KIAA0586: variants seen among roughly 807,000 people sequenced by gnomAD.
KIAA0586 encodes protein TALPID3.
Under a neutral mutation model 169.8 loss-of-function variants are expected in KIAA0586, and 144 were observed. The observed-to-expected ratio is 0.85, with a 90% CI of 0.74 to 0.97. The LOEUF is 0.97. Among genes scored for constraint, KIAA0586 ranks in the 50% least tolerant of loss-of-function variants. KIAA0586 has a pLI of 0.00. For synonymous variants in KIAA0586, 625 were observed against 612.4 expected (o/e 1.02, Z -0.30); for missense variants, 1,854 against 1,823.0 (o/e 1.02, Z -0.31).
rs71107947 is a variant in KIAA0586 at position 58,437,704 on chromosome 14, CAAAAAAAAAAAAA to C, written c.411-4989_411-4977del. Among the ~76,000 whole-genome samples, 12 of 61,620 alleles carry C rather than the reference CAAAAAAAAAAAAA, an allele frequency of 1.9e-4. No homozygotes were observed. In the South Asian group the frequency reaches 2.4e-3, roughly 12 times the overall value. 40.4% of individuals were successfully genotyped at this position (61,620 alleles called of 152,430 possible). On this transcript the variant is annotated intron_variant, in intron 4 of 30. Coordinates refer to ENST00000652326, the MANE Select transcript of KIAA0586 (RefSeq NM_001329943.3). Reference sequence around the variant, plus strand: ...CCTGGGTGACAGTGAGATCCTGTCTCAAAAAAAAAAAAAAAAAAAAAAAAAGGCCAAGTTCACA... The same window carrying C: ...CCTGGGTGACAGTGAGATCCTGTCTCAAAAAAAAAAAAGGCCAAGTTCACA...
Position 58,535,850 on chromosome 14 carries a change from T to C in KIAA0586, c.4430-4221T>C, listed in dbSNP as rs180823783. ...TATGTTGTTTTGTGGGTTAAAAAAT[T>C]CACATTTTGGGGGGCTTCATCTTTA... On this transcript the variant is annotated intron_variant, in intron 29 of 30. Coordinates refer to ENST00000652326, the MANE Select transcript of KIAA0586 (RefSeq NM_001329943.3). Among the ~76,000 whole-genome samples the C allele has an allele frequency of 8.5e-5, 13 of 152,196 alleles. No individual in the cohort carries two copies. The East Asian group carries it at 2.5e-3, about 29-fold the overall frequency.
At chr14:58,546,853 T>C (rs73295841) in intron 30 of KIAA0586, among the ~76,000 whole-genome samples, 3,111 of 152,314 alleles carry the variant, frequency 0.02, 119 homozygotes, top group African/African-American at 0.07. Context: ...TTTCATTAAA[T>C]GTAGAGATAA....
chr14:58,442,807 G>T lies in KIAA0586; in HGVS notation c.512G>T (p.Ser171Ile). ...AVTQETRISPSGIDSATTVAA... is the reference protein window; with the variant it reads ...AVTQETRISPIGIDSATTVAA... ...ACTCAGGAGACTAGAATTTCACCCA[G>T]TGGAATTGATTCAGCTACAACCGTG... Residue 171 changes from serine to isoleucine, a missense_variant, in exon 5 of 31, where the codon AGT (serine) becomes ATT (isoleucine). Ser to Ile is a moderately radical substitution (Grantham distance 142). Transcript: ENST00000652326. The T allele has an allele frequency of 6.2e-7, 1 of 1,609,804 alleles. No individual in the cohort carries two copies. Among genetic ancestry groups the T allele is most frequent in the Admixed American group, 1.7e-5 (1 of 59,398 alleles).
chr14:58,453,838 G>A (rs1271070107), intron 9 of KIAA0586, among the ~76,000 whole-genome samples: 1 of 152,032 alleles, frequency 6.6e-6, no homozygotes, highest in East Asian at 1.9e-4. Context: ...TTGGGTGTAT[G>A]GGGTTCATTT....
At chr14:58,527,167 A>G (rs1391668408) in intron 29 of KIAA0586, among the ~76,000 whole-genome samples, 1 of 152,160 alleles carries the variant, frequency 6.6e-6, no homozygotes, top group Non-Finnish European at 1.5e-5. Context: ...AAAGAATGAA[A>G]AGGAATGAAC....
intron 30 of KIAA0586, among the ~76,000 whole-genome samples, chr14:58,540,375 A>C: frequency 6.6e-6 from 1 of 152,244 alleles, no homozygotes; most frequent in South Asian, 2.1e-4. Context: ...ATGATGAATT[A>C]AAAGGCTGCA....
In KIAA0586 at chr14:58,448,345, T is replaced by C. The variant is rs751447818; in HGVS notation, c.813T>C (p.His271=). The C allele has an allele frequency of 6.4e-7, 1 of 1,558,286 alleles. No homozygotes were observed. Among genetic ancestry groups the C allele is most frequent in the Non-Finnish European group, 8.7e-7 (1 of 1,144,480 alleles). ...AATAATCTTATTTCTTCTAGACTCA[T>C]TTTATTAGTGCTGCACTCAAGACTA... is the stretch of plus-strand genomic sequence containing the variant. The part of the protein sequence containing the change: ...LQQQQIDIQT[H]FISAALKTSS... The change falls in exon 7 of 31, where the codon CAT becomes CAC. Residue 271 remains histidine, a synonymous_variant. Coordinates refer to ENST00000652326, the MANE Select transcript of KIAA0586 (RefSeq NM_001329943.3).
intron 28 of KIAA0586, among the ~76,000 whole-genome samples, chr14:58,510,752 T>C (rs572867816): frequency 1.3e-5 from 2 of 152,206 alleles, no homozygotes; most frequent in Admixed American, 6.5e-5. Flanking sequence ...AATGGACAAA[T>C]TGTGGTGTAT....
At chr14:58,503,191 A>G (rs1033073201) in intron 27 of KIAA0586, among the ~76,000 whole-genome samples, 1 of 152,240 alleles carries the variant, frequency 6.6e-6, no homozygotes, top group Non-Finnish European at 1.5e-5. Context: ...TACCCACTGT[A>G]TACCTAGAAC....
chr14:58,552,065 G>T (rs139454898), downstream of KIAA0586, among the ~76,000 whole-genome samples: 1 of 152,160 alleles, frequency 6.6e-6, no homozygotes, highest in Admixed American at 6.6e-5. Context: ...TTGGTCATAT[G>T]CCTCTCCTGG....
At chr14:58,529,673 C>G (rs1329504831) in intron 29 of KIAA0586, among the ~76,000 whole-genome samples, 2 of 151,958 alleles carry the variant, frequency 1.3e-5, no homozygotes, top group Non-Finnish European at 2.9e-5. Flanking sequence ...ATGCTAGAAA[C>G]TCTCAATAAA....
chr14:58,490,262 C>A, intron 25 of KIAA0586, 22 bp downstream of exon 25: 1 of 1,335,974 alleles, frequency 7.5e-7, no homozygotes, highest in Non-Finnish European at 1.0e-6. Flanking sequence ...TTGACTCCAA[C>A]ACTGAATTCT....
chr14:58,514,657 T>C (rs368587761), intron 29 of KIAA0586, among the ~76,000 whole-genome samples: 3 of 151,856 alleles, frequency 2.0e-5, no homozygotes, highest in African/African-American at 7.3e-5. Flanking sequence ...TACTTTCAGA[T>C]TTTAATATAA....
intron 19 of KIAA0586, among the ~76,000 whole-genome samples, chr14:58,475,466 C>T (rs1299553243): frequency 6.6e-6 from 1 of 151,474 alleles, no homozygotes; most frequent in East Asian, 1.9e-4. Flanking sequence ...GTTGGGACTG[C>T]TATACTAGGC....
At chr14:58,476,420 G>T (rs1037449057) in intron 19 of KIAA0586, among the ~76,000 whole-genome samples, 3 of 151,972 alleles carry the variant, frequency 2.0e-5, no homozygotes, top group African/African-American at 4.8e-5. Context: ...GTGTATTACC[G>T]TGAAGAAAGG....
At chr14:58,453,906 A>G (rs532431840) in intron 9 of KIAA0586, among the ~76,000 whole-genome samples, 1 of 152,314 alleles carries the variant, frequency 6.6e-6, no homozygotes, top group Admixed American at 6.5e-5. Flanking sequence ...AAGTTTTAAA[A>G]AAATCAAATC....
intron 29 of KIAA0586, among the ~76,000 whole-genome samples, chr14:58,526,709 A>C (rs1044770812): frequency 6.6e-6 from 1 of 152,176 alleles, no homozygotes; most frequent in African/African-American, 2.4e-5. Flanking sequence ...AATGAATTTG[A>C]TGAATTGACA....
intron 27 of KIAA0586, among the ~76,000 whole-genome samples, chr14:58,501,316 A>G (rs1191158117): frequency 6.6e-6 from 1 of 152,234 alleles, no homozygotes. Flanking sequence ...TAAATGTTTT[A>G]CATTCTTTAA....
At chr14:58,469,940 A>G (rs1485481105) in intron 16 of KIAA0586, among the ~76,000 whole-genome samples, 1 of 152,084 alleles carries the variant, frequency 6.6e-6, no homozygotes. Flanking sequence ...GTTTTTGATG[A>G]TGTAAATAGA....
Sources: gnomAD v4.1 joint callset for allele counts (sites outside exome capture counted in the v4.1 genomes callset) on GRCh38, gnomAD v4.1.1 for gene constraint, MANE v1.5 for transcripts, NCBI Gene and HGNC (gene_info 2026-07-23, HGNC 2026-07-21) for gene names.